Variants in CDH13 observed in about 807,000 individuals in gnomAD.
The protein encoded by CDH13 is cadherin 13.
In CDH13, 24 loss-of-function variants were observed where a neutral mutation model predicts 63.8. The ratio of observed to expected loss-of-function variants is 0.38; its 90% CI spans 0.27 to 0.53. CDH13 has a LOEUF of 0.53. Among genes scored for constraint, CDH13 ranks in the 20% least tolerant of loss-of-function variants. The probability of loss-of-function intolerance (pLI) is 0.85; values close to 1 mark genes in which losing one functional copy is unlikely to be tolerated. For missense variants in CDH13, 1,049 were observed against 903.1 expected (o/e 1.16, Z -2.07); for synonymous variants, 503 against 355.3 (o/e 1.42, Z -4.67).
chr16:82,775,383 C>T (rs1360576213), intron 1 of CDH13, among the ~76,000 whole-genome samples: 3 of 152,158 alleles, frequency 2.0e-5, no homozygotes, highest in Non-Finnish European at 4.4e-5. Context: ...TATGTATGAG[C>T]ATGGGGAAGT....
intron 4 of CDH13, among the ~76,000 whole-genome samples, chr16:83,153,414 A>G (rs1357546799): frequency 3.9e-5 from 6 of 152,140 alleles, no homozygotes; most frequent in African/African-American, 1.4e-4. Context: ...AGTATCTTAC[A>G]GCCTCCAGCT....
intron 2 of CDH13, among the ~76,000 whole-genome samples, chr16:83,023,676 G>T (rs915704157): frequency 2.4e-4 from 37 of 152,142 alleles, no homozygotes; most frequent in African/African-American, 8.9e-4. Flanking sequence ...TTTGAACTCT[G>T]TGCTCAATTC....
intron 5 of CDH13, among the ~76,000 whole-genome samples, chr16:83,255,001 T>C: frequency 8.7e-6 from 1 of 114,614 alleles, no homozygotes; most frequent in Non-Finnish European, 2.1e-5. Flanking sequence ...CTTTCTTTCT[T>C]TCTTTCTTTC....
chr16:82,779,672 T>C (rs75017377), intron 1 of CDH13, among the ~76,000 whole-genome samples: 4,017 of 152,294 alleles, frequency 0.026, 187 homozygotes, highest in African/African-American at 0.091. Flanking sequence ...ATAGTTTATC[T>C]GGGCACTCTA....
chr16:83,120,103 C>T (rs2035497931), intron 3 of CDH13, among the ~76,000 whole-genome samples: 3 of 151,836 alleles, frequency 2.0e-5, no homozygotes, highest in East Asian at 1.9e-4. Context: ...GGTGACTTCT[C>T]TACAATCAAT....
chr16:83,286,029 G>A (rs967558955), intron 5 of CDH13, among the ~76,000 whole-genome samples: 1 of 152,058 alleles, frequency 6.6e-6, no homozygotes, highest in African/African-American at 2.4e-5. Context: ...AGAAATAATG[G>A]CTCAGCCATC....
chr16:83,405,840 C>T (rs1021937307), intron 6 of CDH13, among the ~76,000 whole-genome samples: 43 of 151,852 alleles, frequency 2.8e-4, no homozygotes, highest in African/African-American at 1.0e-3. Flanking sequence ...CGTTGCATTC[C>T]TCCCGGCTCT....
intron 6 of CDH13, among the ~76,000 whole-genome samples, chr16:83,405,746 G>A (rs1237378695): frequency 2.6e-5 from 4 of 152,210 alleles, no homozygotes; most frequent in Non-Finnish European, 5.9e-5. Context: ...ATAGTGCCAT[G>A]TTATCTAATT....
At chr16:82,998,060 G>A (rs1305449399) in intron 2 of CDH13, among the ~76,000 whole-genome samples, 1 of 152,178 alleles carries the variant, frequency 6.6e-6, no homozygotes, top group African/African-American at 2.4e-5. Flanking sequence ...GTCAATTCAT[G>A]GCAGAGTTGG....
At chr16:83,119,889 C>T (rs1350454052) in intron 3 of CDH13, among the ~76,000 whole-genome samples, 1 of 152,172 alleles carries the variant, frequency 6.6e-6, no homozygotes, top group Non-Finnish European at 1.5e-5. Context: ...GCCACAAACA[C>T]ATACTTATAG....
chr16:83,086,484 C>A (rs765757880), intron 3 of CDH13, among the ~76,000 whole-genome samples: 4 of 152,152 alleles, frequency 2.6e-5, no homozygotes, highest in Non-Finnish European at 5.9e-5. Context: ...GGAGCTGTTT[C>A]TGTCCCAGAT....
intron 1 of CDH13, among the ~76,000 whole-genome samples, chr16:82,768,028 T>G (rs1431313265): frequency 6.6e-6 from 1 of 151,580 alleles, no homozygotes; most frequent in African/African-American, 2.4e-5. Context: ...GGGCGTGCCT[T>G]GGGTTGAGGC....
intron 5 of CDH13, among the ~76,000 whole-genome samples, chr16:83,221,414 C>G (rs2039696027): frequency 1.3e-5 from 2 of 152,154 alleles, no homozygotes; most frequent in Admixed American, 6.5e-5. Flanking sequence ...AATGCAAAGC[C>G]TCCTGAAATA....
chr16:82,717,771 A>G (rs1359074722), intron 1 of CDH13, among the ~76,000 whole-genome samples: 1 of 152,194 alleles, frequency 6.6e-6, no homozygotes, highest in Non-Finnish European at 1.5e-5. Context: ...CAATGTCTTT[A>G]CCACAAAAGT....
intron 1 of CDH13, among the ~76,000 whole-genome samples, chr16:82,651,784 A>G (rs183812165): frequency 6.0e-4 from 92 of 152,302 alleles, no homozygotes; most frequent in African/African-American, 1.9e-3. Context: ...AGTGCCTTCA[A>G]TAGGAGAAAC....
At chr16:82,890,514 C>T (rs955505299) in intron 2 of CDH13, among the ~76,000 whole-genome samples, 1 of 152,152 alleles carries the variant, frequency 6.6e-6, no homozygotes, top group Admixed American at 6.5e-5. Flanking sequence ...GAGTCATCAA[C>T]AGATGAAATT....
intron 1 of CDH13, among the ~76,000 whole-genome samples, chr16:82,647,934 G>A (rs1385739140): frequency 2.0e-5 from 3 of 152,170 alleles, no homozygotes; most frequent in African/African-American, 7.2e-5. Context: ...CTGAAGCTTA[G>A]GGGCAGGTTT....
intron 1 of CDH13, among the ~76,000 whole-genome samples, chr16:82,837,245 TTGTC>T (rs1489382999): frequency 6.6e-6 from 1 of 152,120 alleles, no homozygotes; most frequent in Non-Finnish European, 1.5e-5. Flanking sequence ...CTTAATTACT[TTGTC>T]TGTAAAATAG....
intron 6 of CDH13, among the ~76,000 whole-genome samples, chr16:83,350,845 C>T (rs918970528): frequency 6.6e-6 from 1 of 152,298 alleles, no homozygotes; most frequent in East Asian, 1.9e-4. Context: ...ATTTTTCCTC[C>T]AGGATCCACC....
Sources: allele counts gnomAD v4.1 joint callset (sites outside exome capture counted in the v4.1 genomes callset), GRCh38; gene constraint gnomAD v4.1.1; transcripts MANE v1.5; gene names NCBI Gene and HGNC (gene_info 2026-07-23, HGNC 2026-07-21).